CRYM: variants seen among roughly 807,000 people sequenced by gnomAD.
CRYM encodes the protein ketimine reductase mu-crystallin.
Under a neutral mutation model 32.9 loss-of-function variants are expected in CRYM, and 18 were observed. The observed-to-expected ratio is 0.55, with a 90% CI of 0.38 to 0.81. The LOEUF (loss-of-function observed/expected upper bound fraction) is 0.81. Among genes scored for constraint, CRYM ranks in the 30% least tolerant of loss-of-function variants. The pLI, the probability that CRYM is intolerant of heterozygous loss-of-function variation, is 0.00. For missense variants in CRYM, 337 were observed against 393.5 expected (o/e 0.86, Z 1.21); for synonymous variants, 153 against 152.4 (o/e 1.00, Z -0.03).
At chr16:21,281,923 C>G (rs2053268117), upstream of CRYM, among the ~76,000 whole-genome samples, 2 of 152,214 alleles carry the variant, frequency 1.3e-5, no homozygotes, top group African/African-American at 4.8e-5. Flanking sequence ...GAGCATAAAG[C>G]TCCTACCCCA....
In CRYM at chr16:21,277,466, G is replaced by C; in HGVS notation, c.289C>G (p.Leu97Val). 1 of 1,613,782 alleles carries C rather than the reference G, an allele frequency of 6.2e-7. No individual in the cohort carries two copies. Among genetic ancestry groups the C allele is most frequent in the Non-Finnish European group, 8.5e-7 (1 of 1,180,004 alleles). ...GTGCCATTGCTGGGCTCAAAGAGTA[G>C]CACAGTAGCCTGGTGGGAAGGGACG... ...SVVPSHQATVLLFEPSNGTLL... is the reference protein window; with the variant it reads ...SVVPSHQATVVLFEPSNGTLL... Residue 97 changes from leucine (L) to valine (V), a missense_variant, in exon 2 of 8, where the codon CTA (leucine) becomes GTA (valine). By Grantham distance (32) the Leu-to-Val change is conservative. Transcript: ENST00000572914. The surrounding 1 kb of genome is among the most constrained non-coding windows in gnomAD (Gnocchi z 4.2).
In CRYM at chr16:21,267,589, A is replaced by G; in HGVS notation, c.638T>C (p.Phe213Ser). The G allele has an allele frequency of 6.2e-7, 1 of 1,614,058 alleles. No individual in the cohort carries two copies. The highest frequency in any genetic ancestry group is 1.3e-5 in the African/African-American group (1 of 75,008). Residue 213 changes from phenylalanine to serine, a missense_variant, in exon 5 of 8, where the codon TTT (phenylalanine) becomes TCT (serine). By Grantham distance (155) the Phe-to-Ser change is radical. Coordinates refer to ENST00000572914, the MANE Select transcript of CRYM (RefSeq NM_001376256.1). ...TVTLATEPILFGEWVKPGAHI... is the reference protein window; with the variant it reads ...TVTLATEPILSGEWVKPGAHI... ...AGCCCCTGGCTTCACCCATTCACCA[A>G]ACAAAATGGGCTCTGTTGCCAGGGT...
At chr16:21,283,912 C>G (rs2093402910) in intron 1 of CRYM, 1 of 152,796 alleles carries the variant, frequency 6.5e-6, no homozygotes, top group Admixed American at 6.5e-5. Flanking sequence ...ATGAGGAGCC[C>G]CAACCAGATG....
At chr16:21,275,887 A>C (rs2093385186) in intron 2 of CRYM, among the ~76,000 whole-genome samples, 1 of 152,224 alleles carries the variant, frequency 6.6e-6, no homozygotes, top group Admixed American at 6.5e-5. Flanking sequence ...GCACATGGTG[A>C]GCCCTCAAGA....
intron 1 of CRYM, chr16:21,301,212 G>A (rs1321843057): frequency 2.0e-5 from 3 of 152,384 alleles, no homozygotes; most frequent in African/African-American, 4.8e-5. Flanking sequence ...TCAGCGGCTG[G>A]GCCAGCTGAA....
In CRYM at chr16:21,262,094, C is replaced by G; in HGVS notation, c.738G>C (p.Leu246=). The change falls in exon 6 of 8, where the codon CTG becomes CTC. Residue 246 remains leucine, a synonymous_variant. Transcript: ENST00000572914. ...LDDELMKEAV[L]YVDSQEAALK... is the part of the protein sequence containing the mutation. ...GGGCAGCCTCCTGGGAATCCACGTA[C>G]AGCACAGCTTCTTTCATGAGCTCAT... 1.2e-6 allele frequency: 2 copies of G among 1,614,160 alleles called. No individual in the cohort carries two copies. Among genetic ancestry groups the G allele is most frequent in the Non-Finnish European group, 1.7e-6 (2 of 1,180,006 alleles).
chr16:21,262,224 C>T, intron 5 of CRYM, 66 bp from the exon 6 acceptor site: 1 of 1,607,466 alleles, frequency 6.2e-7, no homozygotes, highest in East Asian at 2.2e-5. Context: ...AAGCCCAAAG[C>T]ACAGGAGAGA....
At chr16:21,280,972 G>A (rs889310801), upstream of CRYM, among the ~76,000 whole-genome samples, 1 of 151,986 alleles carries the variant, frequency 6.6e-6, no homozygotes, top group African/African-American at 2.4e-5. Context: ...AGGTGTGGTA[G>A]CATGTGCCTG....
intron 4 of CRYM, among the ~76,000 whole-genome samples, chr16:21,268,116 T>C (rs1234630439): frequency 1.3e-5 from 2 of 152,238 alleles, no homozygotes; most frequent in African/African-American, 4.8e-5. Context: ...TGCTATTTCC[T>C]GAAATTGCTT....
intron 3 of CRYM, among the ~76,000 whole-genome samples, chr16:21,275,289 G>C (rs950460611): frequency 6.6e-6 from 1 of 152,182 alleles, no homozygotes; most frequent in African/African-American, 2.4e-5. Flanking sequence ...TTCTCATTTC[G>C]ATTCTTCAAG....
intron 1 of CRYM, among the ~76,000 whole-genome samples, chr16:21,290,563 G>GGCC (rs1290612616): frequency 7.2e-5 from 11 of 152,240 alleles, no homozygotes; most frequent in African/African-American, 2.6e-4. Context: ...AACCAATTCT[G>GGCC]GCCACAAAAG....
At chr16:21,261,675 A>G in intron 6 of CRYM, 1 of 468,596 alleles carries the variant, frequency 2.1e-6, no homozygotes, top group Non-Finnish European at 3.9e-6. Flanking sequence ...TTTTATGCTG[A>G]TTATAACCGT....
chr16:21,278,399 G>A, upstream of CRYM: 2 of 957,362 alleles, frequency 2.1e-6, no homozygotes, highest in Non-Finnish European at 3.2e-6. Context: ...GCCCCGCCCC[G>A]CCAGCCCTCT....
At chr16:21,261,739 A>G (rs1309474408) in intron 6 of CRYM, 1 of 472,966 alleles carries the variant, frequency 2.1e-6, no homozygotes, top group African/African-American at 2.0e-5. Flanking sequence ...CCACATTGGG[A>G]AGGTTTCCAG....
At chr16:21,262,248 C>T in intron 5 of CRYM, 90 bp from the exon 6 acceptor site, 2 of 1,524,580 alleles carry the variant, frequency 1.3e-6, no homozygotes. Flanking sequence ...GAACAAAGGA[C>T]TCGTGAACAC....
intron 2 of CRYM, among the ~76,000 whole-genome samples, chr16:21,276,330 C>T (rs1326363366): frequency 3.3e-5 from 5 of 152,080 alleles, no homozygotes; most frequent in South Asian, 2.1e-4. Flanking sequence ...CCTAGGGAAC[C>T]GCTGTTGGCA....
intron 5 of CRYM, among the ~76,000 whole-genome samples, chr16:21,263,899 A>C (rs2093359168): frequency 6.6e-6 from 1 of 152,254 alleles, no homozygotes; most frequent in African/African-American, 2.4e-5. Context: ...GTGAATGTAG[A>C]TCCACTGTTA....
intron 1 of CRYM, chr16:21,300,550 A>T (rs536897396): frequency 1.3e-5 from 2 of 151,700 alleles, no homozygotes; most frequent in Non-Finnish European, 2.9e-5. Flanking sequence ...AAAAAAAAGA[A>T]ATGCCCTACA....
chr16:21,271,858 T>A (rs966754780), intron 3 of CRYM, among the ~76,000 whole-genome samples: 2 of 152,138 alleles, frequency 1.3e-5, no homozygotes, highest in East Asian at 1.9e-4. Context: ...ATTGATATTT[T>A]TAAAATTTTT....
Sources: allele counts gnomAD v4.1 joint callset (sites outside exome capture counted in the v4.1 genomes callset), GRCh38; gene constraint gnomAD v4.1.1; non-coding constraint Gnocchi (gnomAD v3.1); transcripts MANE v1.5; gene names NCBI Gene and HGNC (gene_info 2026-07-23, HGNC 2026-07-21).